The following MEI4 variants were observed in gnomAD, a reference collection of about 807,000 sequenced individuals.
MEI4 encodes the protein meiotic double-stranded break formation protein 4, also known as meiosis-specific protein MEI4.
In MEI4, 27 loss-of-function variants were observed where a neutral mutation model predicts 31.4. That is an observed-to-expected ratio of 0.86 (90% confidence interval 0.63 to 1.19). The LOEUF (loss-of-function observed/expected upper bound fraction) is 1.19, where lower values mean the gene tolerates loss of function less well. Ranked by LOEUF, MEI4 falls within the 50% of genes most tolerant of loss-of-function variation. MEI4 has a pLI of 0.00. For synonymous variants in MEI4, 122 were observed against 145.4 expected (o/e 0.84, Z 1.16); for missense variants, 329 against 398.9 (o/e 0.82, Z 1.49).
At chr6:77,726,645 A>C (rs1332770769) in intron 2 of MEI4, among the ~76,000 whole-genome samples, 2 of 152,080 alleles carry the variant, frequency 1.3e-5, no homozygotes, top group Non-Finnish European at 2.9e-5. Flanking sequence ...AGGACCGTGT[A>C]ATAGGCCTGG....
intron 3 of MEI4, among the ~76,000 whole-genome samples, chr6:77,771,468 C>G (rs930932490): frequency 6.6e-6 from 1 of 152,002 alleles, no homozygotes; most frequent in African/African-American, 2.4e-5. Context: ...AATTATTTTA[C>G]TATAAAGACA....
intron 4 of MEI4, among the ~76,000 whole-genome samples, chr6:77,920,496 A>G (rs1314974879): frequency 1.4e-4 from 21 of 151,900 alleles, no homozygotes; most frequent in South Asian, 2.1e-4. Context: ...TGAAGCCATC[A>G]AAGTCATTCA....
At chr6:77,794,072 A>T (rs1041030761) in intron 3 of MEI4, among the ~76,000 whole-genome samples, 22 of 152,350 alleles carry the variant, frequency 1.4e-4, no homozygotes, top group African/African-American at 5.0e-4. Context: ...TTCAGTTTTA[A>T]CAACACAGCT....
intron 1 of MEI4, among the ~76,000 whole-genome samples, chr6:77,673,598 C>G: frequency 6.6e-6 from 1 of 152,152 alleles, no homozygotes; most frequent in East Asian, 1.9e-4. Flanking sequence ...GGGAAGATGA[C>G]ATAGCCCCTG....
At chr6:77,705,795 T>A (rs775542788) in intron 2 of MEI4, among the ~76,000 whole-genome samples, 1 of 152,224 alleles carries the variant, frequency 6.6e-6, no homozygotes, top group Non-Finnish European at 1.5e-5. Context: ...TTATGTGAAT[T>A]TTAAATTTAA....
Position 77,693,395 on chromosome 6 carries a change from G to T in MEI4, c.232+2492G>T, listed in dbSNP as rs1248486815. On this transcript the variant is annotated intron_variant, in intron 2 of 4. Transcript: ENST00000684080. ...CAAAACTCTTGTTTACTATCCAAGG[G>T]TCTATTCATAATACTGATAAAATGT... 7.2e-5 allele frequency among the ~76,000 whole-genome samples: 11 copies of T among 152,054 alleles called. No individual in the cohort carries two copies. In the East Asian group the frequency reaches 1.7e-3, roughly 24 times the overall value.
intron 4 of MEI4, among the ~76,000 whole-genome samples, chr6:77,886,254 A>C (rs1418511954): frequency 6.6e-6 from 1 of 152,090 alleles, no homozygotes; most frequent in African/African-American, 2.4e-5. Context: ...CTTCTTAATA[A>C]GTTTGACAGA....
chr6:77,805,028 G>T (rs954119196), intron 3 of MEI4, among the ~76,000 whole-genome samples: 1 of 152,134 alleles, frequency 6.6e-6, no homozygotes, highest in African/African-American at 2.4e-5. Context: ...ATTATATTGA[G>T]AAGTGTGTTG....
At chr6:77,921,416 G>T (rs933916983) in intron 4 of MEI4, among the ~76,000 whole-genome samples, 9 of 151,706 alleles carry the variant, frequency 5.9e-5, no homozygotes, top group African/African-American at 2.2e-4. Flanking sequence ...TATTGTGATT[G>T]GTTTGGTCTT....
At chr6:77,883,537 C>T (rs549262180) in intron 4 of MEI4, among the ~76,000 whole-genome samples, 5 of 151,572 alleles carry the variant, frequency 3.3e-5, no homozygotes, top group African/African-American at 1.2e-4. Context: ...ATATAAGTGA[C>T]AATCTGCAAT....
At chr6:77,674,719 T>C (rs895626568) in intron 1 of MEI4, among the ~76,000 whole-genome samples, 2 of 152,140 alleles carry the variant, frequency 1.3e-5, no homozygotes, top group African/African-American at 2.4e-5. Context: ...ACAACAAATA[T>C]GAGTGTACCC....
intron 2 of MEI4, among the ~76,000 whole-genome samples, chr6:77,753,422 C>T (rs190325704): frequency 6.6e-6 from 1 of 152,202 alleles, no homozygotes; most frequent in Admixed American, 6.5e-5. Flanking sequence ...AAAACAACCC[C>T]ATCAAAAAGT....
rs1458720181 is a variant in MEI4, at chr6:77,690,750, A to G, written c.79A>G (p.Lys27Glu). The G allele has an allele frequency of 8.1e-7, 1 of 1,231,714 alleles. No homozygotes were observed. The highest frequency in any genetic ancestry group is 1.6e-5 in the African/African-American group (1 of 64,506). The allele number at this position is 1,231,714 out of a possible 1,614,324, so 76.3% of individuals were successfully genotyped here. The change falls in exon 2 of 5, where the codon AAA becomes GAA. Residue 27 changes from lysine (K) to glutamate (E), a missense_variant. Lys to Glu is a moderately conservative substitution (Grantham distance 56). Coordinates refer to ENST00000684080, the MANE Select transcript of MEI4 (RefSeq NM_001322247.2). ...LAIIRSKPAD[K>E]SSREYTEHLA... ...AATTATCCGCTCAAAACCAGCAGAC[A>G]AAAGCAGCAGAGAATACACAGAGCA...
At chr6:77,764,270 A>G (rs559104432) in intron 3 of MEI4, among the ~76,000 whole-genome samples, 1 of 152,236 alleles carries the variant, frequency 6.6e-6, no homozygotes, top group South Asian at 2.1e-4. Flanking sequence ...ATTGTTCATA[A>G]TACTTCCCTT....
chr6:77,846,896 G>A (rs1433948044), intron 4 of MEI4, among the ~76,000 whole-genome samples: 1 of 152,128 alleles, frequency 6.6e-6, no homozygotes, highest in Non-Finnish European at 1.5e-5. Flanking sequence ...GTTGTTTGGT[G>A]AGTCTAGGAG....
chr6:77,688,853 A>C (rs1313729410), intron 1 of MEI4, among the ~76,000 whole-genome samples: 1 of 152,066 alleles, frequency 6.6e-6, no homozygotes, highest in Non-Finnish European at 1.5e-5. Context: ...TTCTGAGAGT[A>C]ATGAGTGTCA....
At chr6:77,790,576 A>C (rs1230064772) in intron 3 of MEI4, among the ~76,000 whole-genome samples, 1 of 152,012 alleles carries the variant, frequency 6.6e-6, no homozygotes, top group Non-Finnish European at 1.5e-5. Flanking sequence ...AAAACTAAAA[A>C]TTAACAAAAT....
intron 2 of MEI4, among the ~76,000 whole-genome samples, chr6:77,700,671 T>G: frequency 6.6e-6 from 1 of 152,310 alleles, no homozygotes; most frequent in South Asian, 2.1e-4. Context: ...AAAAATCACC[T>G]GTATTCTGTG....
At chr6:77,905,475 CTTTTTTTTTTT>C (rs70974691) in intron 4 of MEI4, among the ~76,000 whole-genome samples, 93 of 93,286 alleles carry the variant, frequency 1.0e-3, no homozygotes, top group African/African-American at 2.9e-3. Flanking sequence ...AAATTTTCAG[CTTTTTTTTTTT>C]TTTTTTTTTT....
Sources: gnomAD v4.1 joint callset for allele counts (sites outside exome capture counted in the v4.1 genomes callset) on GRCh38, gnomAD v4.1.1 for gene constraint, MANE v1.5 for transcripts, NCBI Gene and HGNC (gene_info 2026-07-23, HGNC 2026-07-21) for gene names.